Variants in TMCC2 observed in about 807,000 individuals in gnomAD.
TMCC2 encodes transmembrane and coiled-coil domains protein 2.
A neutral mutation model predicts 49.4 loss-of-function variants in TMCC2; 16 were observed. The observed-to-expected ratio is 0.32, with a 90% CI of 0.22 to 0.49. The LOEUF is 0.49. Among genes scored for constraint, TMCC2 ranks in the 20% least tolerant of loss-of-function variants. TMCC2 has a pLI of 0.99. For missense variants in TMCC2, 762 were observed against 989.8 expected, an observed-to-expected ratio of 0.77 and a Z score of 3.09; for synonymous variants, 397 against 434.1, an observed-to-expected ratio of 0.91 and a Z score of 1.06.
Position 205,269,773 on chromosome 1 carries a change from G to A in TMCC2, c.1571G>A (p.Arg524Gln), listed in dbSNP as rs772153607. The A allele has an allele frequency of 1.2e-4, 198 of 1,614,024 alleles. No homozygotes were observed. Among genetic ancestry groups the A allele is most frequent in the Non-Finnish European group, 1.6e-4 (185 of 1,180,022 alleles). ...GNLDALLEEL[R>Q]EIKEGQSHLE... ...CTGGATGCTCTGCTGGAAGAGCTACGGGAGATCAAGGAGGGACAGTCTCAC... is the reference window on the plus strand; with the variant it reads ...CTGGATGCTCTGCTGGAAGAGCTACAGGAGATCAAGGAGGGACAGTCTCAC... Residue 524 changes from arginine (R) to glutamine (Q), a missense_variant, in exon 3 of 5, where the codon CGG (arginine) becomes CAG (glutamine). Arg to Gln is a conservative substitution (Grantham distance 43). Coordinates refer to ENST00000358024, the MANE Select transcript of TMCC2 (RefSeq NM_014858.4).
At chr1:205,245,262 C>T (rs944465883) in intron 2 of TMCC2, among the ~76,000 whole-genome samples, 9 of 152,102 alleles carry the variant, frequency 5.9e-5, no homozygotes, top group Non-Finnish European at 7.4e-5. Context: ...ATGAGGGCTC[C>T]GGGGCAAGTG....
chr1:205,254,634 G>T (rs948589299), intron 2 of TMCC2, among the ~76,000 whole-genome samples: 7 of 152,186 alleles, frequency 4.6e-5, no homozygotes, highest in African/African-American at 1.7e-4. Flanking sequence ...CAGTTATTGT[G>T]CTGATGGGTA....
At chr1:205,246,637 G>T in intron 2 of TMCC2, 2 of 1,550,380 alleles carry the variant, frequency 1.3e-6, no homozygotes, top group Non-Finnish European at 1.7e-6. Flanking sequence ...AGGTTGTTCA[G>T]CCCTTAATGA....
At chr1:205,267,758 T>C (rs1661402515) in intron 2 of TMCC2, 1 of 343,300 alleles carries the variant, frequency 2.9e-6, no homozygotes, top group African/African-American at 2.2e-5. Flanking sequence ...TCTCTCCGAC[T>C]TTGGTGCCAC....
chr1:205,269,117 T>A lies in TMCC2; in HGVS notation c.915T>A (p.Ile305=), dbSNP rs36005646. ...KILKITEQIK[I]EQEARDDNVA... Reference sequence around the variant, plus strand: ...TGAAGATCACCGAGCAGATCAAGATTGAGCAGGAGGCTCGCGACGACAATG... The same window carrying A: ...TGAAGATCACCGAGCAGATCAAGATAGAGCAGGAGGCTCGCGACGACAATG... The change falls in exon 3 of 5, where the codon ATT becomes ATA. Residue 305 remains isoleucine, a synonymous_variant. Coordinates refer to ENST00000358024, the MANE Select transcript of TMCC2 (RefSeq NM_014858.4). 9.9e-4 allele frequency: 1,604 copies of A among 1,614,076 alleles called. 24 individuals carry two copies. The African/African-American group carries it at 0.018, about 18-fold the overall frequency.
intron 2 of TMCC2, among the ~76,000 whole-genome samples, chr1:205,259,963 T>TC (rs1056070263): frequency 4.6e-5 from 7 of 152,198 alleles, no homozygotes; most frequent in African/African-American, 1.7e-4. Flanking sequence ...CTCTGGCTTA[T>TC]CCAGACATTT....
At position 205,228,552 on chromosome 1, in the gene TMCC2, A is replaced by C. The variant is rs1211139755; in HGVS notation, c.-13A>C. ...CTGGAAGGACAGATTCCCCTTGCCG[A>C]CCCACATACACCATGAAGAGGTGCA... On this transcript the variant is annotated 5_prime_UTR_variant, in exon 1 of 5. Transcript: ENST00000358024. 24 of 1,586,532 alleles carry C rather than the reference A, an allele frequency of 1.5e-5. No individual in the cohort carries two copies. Among genetic ancestry groups the C allele is most frequent in the Non-Finnish European group, 2.0e-5 (23 of 1,160,678 alleles).
intron 1 of TMCC2, among the ~76,000 whole-genome samples, chr1:205,231,178 C>G (rs1659784754): frequency 6.6e-6 from 1 of 152,066 alleles, no homozygotes; most frequent in Admixed American, 6.6e-5. Flanking sequence ...GACTTCCAAC[C>G]AGATGTGACT....
intron 2 of TMCC2, chr1:205,267,968 C>T: frequency 1.0e-6 from 1 of 985,356 alleles, no homozygotes; most frequent in Non-Finnish European, 1.2e-6. Flanking sequence ...GTGGGGCATG[C>T]TCCTCTCCCA....
intron 1 of TMCC2, among the ~76,000 whole-genome samples, chr1:205,233,029 A>G (rs1384780251): frequency 2.7e-5 from 4 of 148,320 alleles, no homozygotes; most frequent in Non-Finnish European, 5.9e-5. Flanking sequence ...TGTGGTAGAT[A>G]CTTCTGAGGC....
At chr1:205,229,563 G>T (rs1659707165) in intron 1 of TMCC2, 22 of 697,562 alleles carry the variant, frequency 3.2e-5, no homozygotes, top group African/African-American at 3.6e-5. Flanking sequence ...GGGGGGTGGT[G>T]GCGGGGGCGG....
rs77529779 is a variant in TMCC2, at chr1:205,239,252, A to C, written c.208-2253A>C. On this transcript the variant is annotated intron_variant, in intron 1 of 4. Transcript: ENST00000358024. ...ACGATTTGGCAGAGGCAGCTGGGCAAATGCCAGAGCCAGCTGGCCCCATCA... is the reference window on the plus strand; with the variant it reads ...ACGATTTGGCAGAGGCAGCTGGGCACATGCCAGAGCCAGCTGGCCCCATCA... Among the ~76,000 whole-genome samples, 73 of 152,360 alleles carry C rather than the reference A, an allele frequency of 4.8e-4. 1 individual carries two copies. The East Asian group carries it at 0.011, about 23-fold the overall frequency.
intron 2 of TMCC2, among the ~76,000 whole-genome samples, chr1:205,262,558 A>G (rs1661160292): frequency 1.3e-5 from 2 of 152,054 alleles, no homozygotes; most frequent in Admixed American, 1.3e-4. Context: ...GGATGGGGGG[A>G]TGTCTGCTAT....
intron 2 of TMCC2, among the ~76,000 whole-genome samples, chr1:205,255,740 G>T (rs1660842211): frequency 6.6e-6 from 1 of 152,142 alleles, no homozygotes; most frequent in Non-Finnish European, 1.5e-5. Flanking sequence ...GAATGGTCCA[G>T]ATGAACATAA....
chr1:205,271,327 C>T (rs1168640581), intron 4 of TMCC2, 72 bp downstream of exon 4: 1 of 1,610,754 alleles, frequency 6.2e-7, no homozygotes, highest in Non-Finnish European at 8.5e-7. Context: ...GGTTAGGGTT[C>T]TTGTCACGTG....
At chr1:205,230,002 T>C (rs764732000) in intron 1 of TMCC2, 13 of 985,314 alleles carry the variant, frequency 1.3e-5, no homozygotes, top group Non-Finnish European at 1.4e-5. Flanking sequence ...CTCACAGTTA[T>C]TTTCTCCAGA....
At chr1:205,245,189 C>T (rs993809573) in intron 2 of TMCC2, among the ~76,000 whole-genome samples, 1 of 152,056 alleles carries the variant, frequency 6.6e-6, no homozygotes, top group Non-Finnish European at 1.5e-5. Flanking sequence ...CAGTAGAATG[C>T]TGGTCCCGTC....
chr1:205,261,404 TG>T (rs1456609234), intron 2 of TMCC2, among the ~76,000 whole-genome samples: 4 of 152,012 alleles, frequency 2.6e-5, no homozygotes, highest in Non-Finnish European at 2.9e-5. Flanking sequence ...GGTCTTGCTG[TG>T]TTGCCCAGGC....
intron 3 of TMCC2, among the ~76,000 whole-genome samples, chr1:205,270,837 T>C (rs996221681): frequency 8.5e-5 from 13 of 152,148 alleles, no homozygotes; most frequent in African/African-American, 2.9e-4. Flanking sequence ...GCCTCAGTCT[T>C]CTCCTCTGTA....
Sources: allele counts gnomAD v4.1 joint callset (sites outside exome capture counted in the v4.1 genomes callset), GRCh38; gene constraint gnomAD v4.1.1; transcripts MANE v1.5; gene names NCBI Gene and HGNC (gene_info 2026-07-23, HGNC 2026-07-21).